Variants in TM2D3 observed in about 807,000 individuals in gnomAD.
TM2D3 encodes TM2 domain-containing protein 3.
Under a neutral mutation model 27.3 loss-of-function variants are expected in TM2D3, and 33 were observed. The observed-to-expected ratio is 1.21, with a 90% confidence interval of 0.92 to 1.61. TM2D3 has a LOEUF of 1.61. Ranked by LOEUF, TM2D3 falls within the 40% of genes most tolerant of loss-of-function variation. The probability of loss-of-function intolerance (pLI) is 0.00; values close to 1 mark genes in which losing one functional copy is unlikely to be tolerated. For synonymous variants in TM2D3, 138 were observed against 122.2 expected, an observed-to-expected ratio of 1.13 and a Z score of -0.85; for missense variants, 364 against 320.8, an observed-to-expected ratio of 1.13 and a Z score of -1.03.
At chr15:101,641,760 G>T, downstream of TM2D3, 1 of 456,674 alleles carries the variant, frequency 2.2e-6, no homozygotes, top group Non-Finnish European at 2.9e-6. Flanking sequence ...GTAATGCCCT[G>T]AAAGATAAAA....
At chr15:101,633,254 A>G (rs1416906829) in exon 5 of TM2D3, 1 of 159,094 alleles carries the variant, frequency 6.3e-6, no homozygotes, top group Non-Finnish European at 1.4e-5. Context: ...CTCGGAAAGG[A>G]TATATTACTT....
Position 101,642,016 on chromosome 15 carries a change from G to A in TM2D3, c.*463C>T. 1.0e-6 allele frequency: 1 copy of A among 986,112 alleles called. No individual in the cohort carries two copies. The highest frequency in any genetic ancestry group is 1.1e-4 in the East Asian group (1 of 8,816). The allele number at this position is 986,112 out of a possible 1,614,324, so 61.1% of individuals were successfully genotyped here. ...ACTGCAAAACTTACACATGACTGAAGCTGAGCCTAATAACTTCAATTAGCC... is the reference window on the plus strand; with the variant it reads ...ACTGCAAAACTTACACATGACTGAAACTGAGCCTAATAACTTCAATTAGCC... On this transcript the variant is annotated 3_prime_UTR_variant, in exon 6 of 6. Coordinates refer to ENST00000333202, the MANE Select transcript of TM2D3 (RefSeq NM_078474.3).
At chr15:101,635,996 A>G (rs1896543473) in intron 4 of TM2D3, 1 of 151,974 alleles carries the variant, frequency 6.6e-6, no homozygotes, top group African/African-American at 2.4e-5. Context: ...ATTAAGAAGT[A>G]ATTTATATGC....
At chr15:101,644,211 C>G (rs1026766656) in intron 5 of TM2D3, among the ~76,000 whole-genome samples, 1 of 152,160 alleles carries the variant, frequency 6.6e-6, no homozygotes, top group Non-Finnish European at 1.5e-5. Flanking sequence ...TTACACTTTT[C>G]CTGCCAGGCA....
downstream of TM2D3, among the ~76,000 whole-genome samples, chr15:101,640,999 C>T (rs986807720): frequency 3.3e-5 from 5 of 152,228 alleles, no homozygotes; most frequent in East Asian, 1.9e-4. Context: ...AACTTCCCAC[C>T]GACTCCCTGG....
chr15:101,636,435 CTGT>C (rs1251797668), intron 4 of TM2D3: 1 of 152,216 alleles, frequency 6.6e-6, no homozygotes, highest in Non-Finnish European at 1.5e-5. Context: ...AAACTCTTGA[CTGT>C]TGAAGCTCAT....
At chr15:101,639,067 TAA>T (rs1596260045), downstream of TM2D3, among the ~76,000 whole-genome samples, 1 of 152,208 alleles carries the variant, frequency 6.6e-6, no homozygotes, top group Non-Finnish European at 1.5e-5. Flanking sequence ...GTATTTTGCA[TAA>T]AAGTGTTGTG....
chr15:101,642,085 T>C lies in TM2D3; in HGVS notation c.*394A>G. ...ACTTCCTGCAGTCACAGCAATTAGC[T>C]AACAATAAAAACACTCCCACTTCCT... On this transcript the variant is annotated 3_prime_UTR_variant, in exon 6 of 6. Coordinates refer to ENST00000333202, the MANE Select transcript of TM2D3 (RefSeq NM_078474.3). 1.0e-6 allele frequency: 1 copy of C among 988,572 alleles called. No individual in the cohort carries two copies. The highest frequency in any genetic ancestry group is 1.2e-6 in the Non-Finnish European group (1 of 831,946). 61.2% of individuals were successfully genotyped at this position (988,572 alleles called of 1,614,324 possible). A position where few individuals can be genotyped will look rare whatever the true frequency, so the allele number is the denominator to read the frequency against.
intron 3 of TM2D3, among the ~76,000 whole-genome samples, chr15:101,647,655 A>G (rs1324516326): frequency 6.6e-6 from 1 of 152,230 alleles, no homozygotes; most frequent in Non-Finnish European, 1.5e-5. Flanking sequence ...ACATATTTGA[A>G]GATTATAGAC....
chr15:101,652,279 G>A lies in TM2D3; in HGVS notation c.83C>T (p.Ser28Leu), dbSNP rs181135440. The A allele has an allele frequency of 4.1e-4, 652 of 1,604,814 alleles. 6 individuals are homozygous for A. The South Asian group carries it at 5.9e-3, about 15-fold the overall frequency. The change falls in exon 1 of 6, where the codon TCG becomes TTG. Residue 28 changes from serine to leucine, a missense_variant. Ser to Leu is a moderately radical substitution (Grantham distance 145). Coordinates refer to ENST00000333202, the MANE Select transcript of TM2D3 (RefSeq NM_078474.3). ...CCCAGCCTTTGACTCACCACCGCCC[G>A]ACAGAATGCAGAACTGCGAGAGGAA... is the stretch of plus-strand genomic sequence containing the variant. ...LLFLSQFCIL[S>L]GGEQSQALAQ...
chr15:101,646,743 C>A lies in TM2D3; in HGVS notation c.484G>T (p.Asp162Tyr), dbSNP rs1170553941. The change falls in exon 4 of 6, where the codon GAC becomes TAC. Residue 162 changes from aspartate to tyrosine, a missense_variant. Transcript: ENST00000333202. The stretch of plus-strand genomic sequence containing the variant: ...GACCTACCCAAGCAGTGGACGTGGT[C>A]CCGCACCGTGCAGTTGGCAGGGTAG... ...QRYPANCTVR[D>Y]HVHCLGNRTF... 6 of 1,614,116 alleles carry A rather than the reference C, an allele frequency of 3.7e-6. No homozygotes were observed. Among genetic ancestry groups the A allele is most frequent in the South Asian group, 2.2e-5 (2 of 91,072 alleles).
chr15:101,636,897 G>T, downstream of TM2D3: 1 of 441,198 alleles, frequency 2.3e-6, no homozygotes, highest in Non-Finnish European at 4.6e-6. Context: ...AGGCTGGAGT[G>T]CAGTGGTGTG....
chr15:101,640,116 A>G (rs994572555), downstream of TM2D3, among the ~76,000 whole-genome samples: 3 of 152,186 alleles, frequency 2.0e-5, no homozygotes, highest in Non-Finnish European at 4.4e-5. Flanking sequence ...TGGCTATCTA[A>G]TCATATCCCT....
chr15:101,649,933 A>C (rs1315776579), intron 3 of TM2D3, 71 bp downstream of exon 3: 2 of 1,387,706 alleles, frequency 1.4e-6, no homozygotes, highest in African/African-American at 2.9e-5. Context: ...CCCAATAATC[A>C]AGTCTGAATT....
chr15:101,641,747 G>A (rs1013468819), downstream of TM2D3: 7 of 342,166 alleles, frequency 2.0e-5, no homozygotes, highest in Non-Finnish European at 2.5e-5. Flanking sequence ...CTGTTAGAAT[G>A]GAGTAATGCC....
intron 3 of TM2D3, 54 bp from the exon 4 acceptor site, chr15:101,646,953 A>T: frequency 6.3e-7 from 1 of 1,598,144 alleles, no homozygotes; most frequent in Non-Finnish European, 8.6e-7. Context: ...GTCTGTTAAG[A>T]TGTCAGTAAG....
Position 101,650,043 on chromosome 15 carries a change from G to A in TM2D3, c.288C>T (p.Val96=), listed in dbSNP as rs1328621802. The change falls in exon 3 of 6, where the codon GTC becomes GTT. Residue 96 remains valine (V), a synonymous_variant. Transcript: ENST00000333202. ...ATGGTTTCACTGCACAGTCAAAAGT[G>A]ACAGGCTTCCCATAGGTACAGGAGA... ...TNFSCTYGKP[V]TFDCAVKPSV... is the part of the protein sequence containing the mutation. 2 of 1,614,106 alleles carry A rather than the reference G, an allele frequency of 1.2e-6. No individual in the cohort carries two copies. The highest frequency in any genetic ancestry group is 8.5e-7 in the Non-Finnish European group (1 of 1,179,986).
At chr15:101,649,216 G>A (rs934768187) in intron 3 of TM2D3, among the ~76,000 whole-genome samples, 12 of 152,000 alleles carry the variant, frequency 7.9e-5, no homozygotes, top group Middle Eastern at 3.2e-3. Context: ...GTTTTAGGAA[G>A]TGTTTATATA....
At chr15:101,646,403 A>AGGC (rs1393548887) in intron 4 of TM2D3, 18 of 321,428 alleles carry the variant, frequency 5.6e-5, no homozygotes, top group Non-Finnish European at 8.7e-5. Flanking sequence ...AGGTGAAGGC[A>AGGC]AGCACTCAGG....
Sources: allele counts gnomAD v4.1 joint callset (sites outside exome capture counted in the v4.1 genomes callset), GRCh38; gene constraint gnomAD v4.1.1; transcripts MANE v1.5; gene names NCBI Gene and HGNC (gene_info 2026-07-23, HGNC 2026-07-21).